Variants in PDGFC observed in about 807,000 individuals in gnomAD.
PDGFC encodes platelet derived growth factor C, also known as platelet-derived growth factor C.
Under a neutral mutation model 35.5 loss-of-function variants are expected in PDGFC, and 12 were observed. The ratio of observed to expected loss-of-function variants is 0.34; its 90% CI spans 0.22 to 0.55. PDGFC has a LOEUF of 0.55. Among genes scored for constraint, PDGFC ranks in the 20% least tolerant of loss-of-function variants. The pLI is 0.91. For synonymous variants in PDGFC, 159 were observed against 148.8 expected (o/e 1.07, Z -0.50); for missense variants, 322 against 412.4 (o/e 0.78, Z 1.90).
chr4:156,943,084 T>A (rs1032385943), intron 1 of PDGFC, among the ~76,000 whole-genome samples: 8 of 152,044 alleles, frequency 5.3e-5, no homozygotes, highest in Non-Finnish European at 1.2e-4. Context: ...CCTATGTAAC[T>A]AATAATGCTT....
intron 1 of PDGFC, among the ~76,000 whole-genome samples, chr4:156,909,262 T>G (rs1660122036): frequency 6.6e-6 from 1 of 152,192 alleles, no homozygotes; most frequent in Non-Finnish European, 1.5e-5. Flanking sequence ...GTGAATTATA[T>G]CTCAATAAAG....
Position 156,908,987 on chromosome 4 carries a change from C to T in PDGFC, c.119-58571G>A, listed in dbSNP as rs148852567. Among the ~76,000 whole-genome samples, 534 of 152,154 alleles carry T rather than the reference C, an allele frequency of 3.5e-3. 4 individuals carry two copies. Among genetic ancestry groups the T allele is most frequent in the Non-Finnish European group, 4.8e-3 (329 of 67,992 alleles). On this transcript the variant is annotated intron_variant, in intron 1 of 5. Transcript: ENST00000502773. ...AGGGAAAGGAGAAGTCACAAAAGAC[C>T]ACACATATACAATTTCATGTTTGTA...
rs992759360 is a variant in PDGFC at position 156,761,832 on chromosome 4, G to A, written c.*1258C>T. The A allele has an allele frequency of 6.6e-6, 1 of 152,624 alleles. No individual in the cohort carries two copies. Among genetic ancestry groups the A allele is most frequent in the African/African-American group, 2.4e-5 (1 of 41,454 alleles). 9.5% of individuals were successfully genotyped at this position (152,624 alleles called of 1,614,324 possible). A position where few individuals can be genotyped will look rare whatever the true frequency, so the allele number is the denominator to read the frequency against. On this transcript the variant is annotated 3_prime_UTR_variant, in exon 6 of 6. Transcript: ENST00000502773. ...TATTTATACAAGTGTATGGAACAGA[G>A]TTTAAGATAATAAAACCACAACATC...
chr4:156,950,486 G>A (rs569126709), intron 1 of PDGFC, among the ~76,000 whole-genome samples: 5 of 151,672 alleles, frequency 3.3e-5, no homozygotes, highest in Admixed American at 6.6e-5. Flanking sequence ...TCATTAAAAC[G>A]GTATAGAAAA....
At chr4:156,912,636 A>C (rs1372082724) in intron 1 of PDGFC, among the ~76,000 whole-genome samples, 1 of 152,222 alleles carries the variant, frequency 6.6e-6, no homozygotes, top group Non-Finnish European at 1.5e-5. Context: ...CTATGAATTA[A>C]GCGGGTTTCC....
chr4:156,800,857 A>G (rs1479549200), intron 3 of PDGFC, among the ~76,000 whole-genome samples: 2 of 152,156 alleles, frequency 1.3e-5, no homozygotes, highest in Non-Finnish European at 2.9e-5. Context: ...TCCTAGACAA[A>G]GCTAACTTTG....
intron 4 of PDGFC, among the ~76,000 whole-genome samples, chr4:156,772,248 C>T (rs1730710992): frequency 6.6e-6 from 1 of 152,094 alleles, no homozygotes; most frequent in Non-Finnish European, 1.5e-5. Context: ...TCATATAATA[C>T]TGACCCATGG....
intron 1 of PDGFC, among the ~76,000 whole-genome samples, chr4:156,964,952 C>T (rs1732431242): frequency 2.0e-5 from 3 of 152,166 alleles, no homozygotes; most frequent in African/African-American, 7.2e-5. Context: ...TTTCAAGAGT[C>T]CTTGGTCTGC....
At chr4:156,872,511 C>T (rs1354743126) in intron 1 of PDGFC, among the ~76,000 whole-genome samples, 40 of 152,336 alleles carry the variant, frequency 2.6e-4, no homozygotes, top group Non-Finnish European at 1.5e-5. Flanking sequence ...ACACACTCCT[C>T]TCATCCCATC....
chr4:156,806,608 T>C (rs1282019050), intron 3 of PDGFC, among the ~76,000 whole-genome samples: 2 of 151,966 alleles, frequency 1.3e-5, no homozygotes, highest in African/African-American at 4.8e-5. Flanking sequence ...AAAATAACTT[T>C]AAAAATTCAG....
intron 3 of PDGFC, among the ~76,000 whole-genome samples, chr4:156,795,284 G>T (rs1200893250): frequency 2.7e-5 from 4 of 150,428 alleles, no homozygotes; most frequent in African/African-American, 1.0e-4. Flanking sequence ...GTTAAGTCAG[G>T]TATGAGAGAG....
chr4:156,933,970 G>A (rs1022581840), intron 1 of PDGFC, among the ~76,000 whole-genome samples: 2 of 152,130 alleles, frequency 1.3e-5, no homozygotes, highest in Non-Finnish European at 2.9e-5. Flanking sequence ...CCCAGTCTCA[G>A]GTAGTTCTTT....
intron 4 of PDGFC, among the ~76,000 whole-genome samples, chr4:156,771,526 C>T (rs369288442): frequency 3.2e-4 from 49 of 152,270 alleles, no homozygotes; most frequent in Middle Eastern, 6.8e-3. Context: ...CTGGACAGGA[C>T]TCAACTGCCC....
chr4:156,770,569 T>C (rs1053130975), intron 4 of PDGFC: 6 of 152,022 alleles, frequency 3.9e-5, no homozygotes, highest in Non-Finnish European at 7.4e-5. Context: ...ACTATAATAA[T>C]ATTAAAGAAG....
At chr4:156,899,937 A>C (rs1730726213) in intron 1 of PDGFC, among the ~76,000 whole-genome samples, 1 of 152,202 alleles carries the variant, frequency 6.6e-6, no homozygotes, top group South Asian at 2.1e-4. Flanking sequence ...GGCATAGCTG[A>C]GCACTCTCTC....
chr4:156,823,230 C>G (rs1732319694), intron 2 of PDGFC, among the ~76,000 whole-genome samples: 1 of 152,062 alleles, frequency 6.6e-6, no homozygotes, highest in Non-Finnish European at 1.5e-5. Flanking sequence ...CATAGCAAGA[C>G]CCTGTCTCTG....
intron 1 of PDGFC, among the ~76,000 whole-genome samples, chr4:156,940,640 TG>T (rs1731783443): frequency 6.6e-6 from 1 of 152,126 alleles, no homozygotes; most frequent in Non-Finnish European, 1.5e-5. Context: ...TGGGAATTTC[TG>T]GGTGTCTGTC....
rs566980819 is a variant in PDGFC, at chr4:156,832,406, G to A, written c.314+17815C>T. 3.5e-4 allele frequency among the ~76,000 whole-genome samples: 53 copies of A among 151,830 alleles called. No homozygotes were observed. In the South Asian group the frequency reaches 0.01, roughly 29 times the overall value. ...TGAGTAGCTGGGATTACAGGCACCC[G>A]CCACCATGCCTGGCTAATTTTTGTA... On this transcript the variant is annotated intron_variant, in intron 2 of 5. Transcript: ENST00000502773.
chr4:156,813,143 C>T (rs1047597985), intron 2 of PDGFC, among the ~76,000 whole-genome samples: 7 of 151,950 alleles, frequency 4.6e-5, no homozygotes, highest in African/African-American at 1.5e-4. Flanking sequence ...TTGGCAGAAA[C>T]GTTGATAATC....
Sources: allele counts gnomAD v4.1 joint callset (sites outside exome capture counted in the v4.1 genomes callset), GRCh38; gene constraint gnomAD v4.1.1; transcripts MANE v1.5; gene names NCBI Gene and HGNC (gene_info 2026-07-23, HGNC 2026-07-21).